Variants in SNX7 observed in about 807,000 individuals in gnomAD.
The protein encoded by SNX7 is sorting nexin-7.
In SNX7, 35 loss-of-function variants were observed where a neutral mutation model predicts 48.4. The observed-to-expected ratio is 0.72, with a 90% CI of 0.55 to 0.96. The LOEUF is 0.96. Ranked by LOEUF, SNX7 falls within the 40% of genes least tolerant of loss-of-function variation. SNX7 has a pLI of 0.00. For synonymous variants in SNX7, 190 were observed against 190.2 expected (o/e 1.00, Z 0.01); for missense variants, 553 against 548.9 (o/e 1.01, Z -0.07).
chr1:98,759,679 A>C (rs1037597387), intron 8 of SNX7, among the ~76,000 whole-genome samples: 12 of 152,070 alleles, frequency 7.9e-5, no homozygotes, highest in Admixed American at 2.0e-4. Flanking sequence ...TCTCAAACTC[A>C]CAATTGACGT....
chr1:98,696,487 G>A (rs923110658), intron 5 of SNX7, among the ~76,000 whole-genome samples: 10 of 151,728 alleles, frequency 6.6e-5, no homozygotes, highest in Admixed American at 5.9e-4. Flanking sequence ...ATTAAAATTT[G>A]TTCAGTGATT....
intron 7 of SNX7, among the ~76,000 whole-genome samples, chr1:98,732,184 G>C (rs2101025604): frequency 6.6e-6 from 1 of 152,228 alleles, no homozygotes; most frequent in South Asian, 2.1e-4. Context: ...CTAACAGTGG[G>C]CTTATTGGGA....
intron 7 of SNX7, among the ~76,000 whole-genome samples, chr1:98,705,952 C>T (rs907090299): frequency 6.6e-6 from 1 of 152,152 alleles, no homozygotes; most frequent in Non-Finnish European, 1.5e-5. Context: ...TAATAACTAA[C>T]ATTTCTAACT....
rs2101034671 is a variant in SNX7, at chr1:98,738,244, A to G, written c.1133A>G (p.Glu378Gly). Reference sequence around the variant, plus strand: ...CTTTGTGACTTAATTCAGCTTCCAGAGGAGATTGGAAAACTTGAAGATAAA... The same window carrying G: ...CTTTGTGACTTAATTCAGCTTCCAGGGGAGATTGGAAAACTTGAAGATAAA... ...YKKADTDLLP[E>G]EIGKLEDKVE... The change falls in exon 8 of 9, where the codon GAG becomes GGG. Residue 378 changes from glutamate (E) to glycine (G), a missense_variant. By Grantham distance (98) the Glu-to-Gly change is moderately conservative (BLOSUM62 -2). Coordinates refer to ENST00000306121, the MANE Select transcript of SNX7 (RefSeq NM_015976.5). 6.2e-7 allele frequency: 1 copy of G among 1,612,778 alleles called. No homozygotes were observed. The highest frequency in any genetic ancestry group is 1.1e-5 in the South Asian group (1 of 91,006).
intron 7 of SNX7, among the ~76,000 whole-genome samples, chr1:98,726,251 A>T (rs1653160427): frequency 6.6e-6 from 1 of 152,184 alleles, no homozygotes; most frequent in African/African-American, 2.4e-5. Flanking sequence ...TAAATTTTTA[A>T]AGTTCAGTAA....
At chr1:98,749,221 A>C (rs1323320895) in intron 8 of SNX7, among the ~76,000 whole-genome samples, 1 of 152,104 alleles carries the variant, frequency 6.6e-6, no homozygotes, top group Non-Finnish European at 1.5e-5. Flanking sequence ...CAATTTCCCC[A>C]TGTATAAAAA....
At chr1:98,730,063 G>T (rs1229976074) in intron 7 of SNX7, among the ~76,000 whole-genome samples, 1 of 152,124 alleles carries the variant, frequency 6.6e-6, no homozygotes, top group Non-Finnish European at 1.5e-5. Flanking sequence ...TATCCAGCAT[G>T]ATCAAGTAGG....
At chr1:98,749,982 G>C (rs911760567) in intron 8 of SNX7, among the ~76,000 whole-genome samples, 1 of 151,950 alleles carries the variant, frequency 6.6e-6, no homozygotes, top group Non-Finnish European at 1.5e-5. Flanking sequence ...AATTATCATG[G>C]TACTCTCTCT....
intron 7 of SNX7, among the ~76,000 whole-genome samples, chr1:98,702,439 G>A (rs1226023353): frequency 6.6e-6 from 1 of 151,936 alleles, no homozygotes; most frequent in African/African-American, 2.4e-5. Context: ...TCATAACTGG[G>A]CTTCATTAAT....
intron 7 of SNX7, among the ~76,000 whole-genome samples, chr1:98,727,912 T>C (rs1401482118): frequency 6.6e-6 from 1 of 151,734 alleles, no homozygotes; most frequent in Non-Finnish European, 1.5e-5. Flanking sequence ...TATGACTGTT[T>C]GTGGTACCTG....
chr1:98,731,329 A>G (rs1370747538), intron 7 of SNX7, among the ~76,000 whole-genome samples: 1 of 152,132 alleles, frequency 6.6e-6, no homozygotes, highest in Non-Finnish European at 1.5e-5. Flanking sequence ...TGACTGGCCC[A>G]TAGTAGACAG....
rs1233459179 is a variant in SNX7, at chr1:98,695,509, T to A, written c.640-9T>A. 1.9e-6 allele frequency: 3 copies of A among 1,609,956 alleles called. No homozygotes were observed. The highest frequency in any genetic ancestry group is 3.4e-5 in the Admixed American group (2 of 59,248). ...GTTTCACTAGAAATACTTGGTTTTT[T>A]GTTTCTAGGAACTCTCTTCTCACAA... is the stretch of plus-strand genomic sequence containing the variant. On this transcript the variant is annotated splice_polypyrimidine_tract_variant and intron_variant, in intron 4 of 8. Transcript: ENST00000306121.
rs529335329 is a variant in SNX7, at chr1:98,694,294, C to T, written c.640-1224C>T. ...CTGAGGCAGGAGAATGGCATGAACCCGGGAGGCGGAGCTTGCAGTGAGCCA... is the reference window on the plus strand; with the variant it reads ...CTGAGGCAGGAGAATGGCATGAACCTGGGAGGCGGAGCTTGCAGTGAGCCA... On this transcript the variant is annotated intron_variant, in intron 4 of 8. Coordinates refer to ENST00000306121, the MANE Select transcript of SNX7 (RefSeq NM_015976.5). Among the ~76,000 whole-genome samples the T allele has an allele frequency of 2.1e-3, 310 of 147,750 alleles. 1 individual carries two copies. The highest frequency in any genetic ancestry group is 7.4e-3 in the African/African-American group (294 of 39,866).
intron 7 of SNX7, among the ~76,000 whole-genome samples, chr1:98,716,016 T>C (rs1469601632): frequency 6.6e-6 from 1 of 152,158 alleles, no homozygotes; most frequent in African/African-American, 2.4e-5. Context: ...TTTAATCTAG[T>C]TATAGGGATT....
chr1:98,706,572 C>T (rs1407035417), intron 7 of SNX7, among the ~76,000 whole-genome samples: 1 of 152,028 alleles, frequency 6.6e-6, no homozygotes, highest in Non-Finnish European at 1.5e-5. Flanking sequence ...ATTTAAGTTA[C>T]AAGATGATTA....
At chr1:98,692,178 A>G (rs1651177053) in intron 4 of SNX7, among the ~76,000 whole-genome samples, 1 of 152,094 alleles carries the variant, frequency 6.6e-6, no homozygotes, top group Non-Finnish European at 1.5e-5. Flanking sequence ...CTTAACTGTA[A>G]CATAAACAGT....
chr1:98,692,914 A>G (rs1313936913), intron 4 of SNX7, among the ~76,000 whole-genome samples: 1 of 152,182 alleles, frequency 6.6e-6, no homozygotes, highest in African/African-American at 2.4e-5. Context: ...TAGTATCCAC[A>G]TACATTTTGT....
intron 1 of SNX7, among the ~76,000 whole-genome samples, chr1:98,678,825 T>C (rs1271877262): frequency 6.6e-6 from 1 of 152,232 alleles, no homozygotes; most frequent in Non-Finnish European, 1.5e-5. Flanking sequence ...CAAAATATTA[T>C]ACTCTTTAGT....
intron 7 of SNX7, among the ~76,000 whole-genome samples, chr1:98,712,774 TTAGA>T (rs1652380731): frequency 6.6e-6 from 1 of 152,130 alleles, no homozygotes; most frequent in Non-Finnish European, 1.5e-5. Flanking sequence ...TATGAAAGTC[TTAGA>T]TAGCATCTTC....
Sources: gnomAD v4.1 joint callset for allele counts (sites outside exome capture counted in the v4.1 genomes callset) on GRCh38, gnomAD v4.1.1 for gene constraint, MANE v1.5 for transcripts, NCBI Gene and HGNC (gene_info 2026-07-23, HGNC 2026-07-21) for gene names.